AFF3: variants seen among roughly 807,000 people sequenced by gnomAD.
AFF3 encodes the protein ALF transcription elongation factor 3, also known as AF4/FMR2 family member 3.
AFF3 carries 32 observed loss-of-function variants against 129.7 expected under a neutral mutation model. That is an observed-to-expected ratio of 0.25 (90% confidence interval 0.19 to 0.33). The LOEUF (loss-of-function observed/expected upper bound fraction) is 0.33. Ranked by LOEUF, AFF3 falls within the 10% of genes least tolerant of loss-of-function variation. The pLI is 1.00. For synonymous variants in AFF3, 644 were observed against 635.4 expected (o/e 1.01, Z -0.20); for missense variants, 1,373 against 1,592.0 (o/e 0.86, Z 2.34).
At chr2:99,692,743 ATCT>A (rs879603841) in intron 11 of AFF3, among the ~76,000 whole-genome samples, 23,368 of 152,182 alleles carry the variant, frequency 0.15, 2,144 homozygotes, top group South Asian at 0.26. Context: ...GCCCTGGCAG[ATCT>A]TCCTTCACCA....
At chr2:99,876,794 T>C (rs1692333999) in intron 7 of AFF3, among the ~76,000 whole-genome samples, 1 of 152,106 alleles carries the variant, frequency 6.6e-6, no homozygotes, top group South Asian at 2.1e-4. Flanking sequence ...CTTCCCTCAG[T>C]TTCCCTAAAA....
chr2:100,020,950 A>G (rs1683540514), intron 4 of AFF3, among the ~76,000 whole-genome samples: 1 of 152,202 alleles, frequency 6.6e-6, no homozygotes, highest in Non-Finnish European at 1.5e-5. Context: ...TCAGGATAGC[A>G]TCTCAATCTG....
intron 11 of AFF3, among the ~76,000 whole-genome samples, chr2:99,710,100 CCTTT>C (rs1183239678): frequency 6.6e-6 from 1 of 152,162 alleles, no homozygotes; most frequent in Non-Finnish European, 1.5e-5. Context: ...AATGTTGTCT[CCTTT>C]CTGAGTTGCT....
chr2:99,610,910 G>A (rs1309530890), intron 13 of AFF3, among the ~76,000 whole-genome samples: 1 of 152,090 alleles, frequency 6.6e-6, no homozygotes, highest in Non-Finnish European at 1.5e-5. Context: ...TTGTCCTTCT[G>A]GAACTCTGAT....
At chr2:99,970,055 C>T (rs1003884975) in intron 7 of AFF3, among the ~76,000 whole-genome samples, 5 of 152,062 alleles carry the variant, frequency 3.3e-5, no homozygotes, top group Admixed American at 6.5e-5. Flanking sequence ...TAATAGCAGA[C>T]GAATGGTGAT....
chr2:99,957,059 A>C (rs549344482), intron 7 of AFF3, among the ~76,000 whole-genome samples: 1 of 152,334 alleles, frequency 6.6e-6, no homozygotes, highest in African/African-American at 2.4e-5. Context: ...GATAACATAC[A>C]TTCTGTTGCC....
chr2:99,927,360 A>C (rs1333181035), intron 7 of AFF3, among the ~76,000 whole-genome samples: 2 of 152,208 alleles, frequency 1.3e-5, no homozygotes, highest in African/African-American at 4.8e-5. Flanking sequence ...TGATAAAGAA[A>C]ATGTGGCACA....
intron 9 of AFF3, among the ~76,000 whole-genome samples, chr2:99,747,800 C>T (rs906564884): frequency 6.6e-6 from 1 of 151,990 alleles, no homozygotes; most frequent in Admixed American, 6.5e-5. Flanking sequence ...CTAATATATA[C>T]TCTCATGTTG....
At chr2:99,576,584 T>C (rs140385592) in intron 18 of AFF3, among the ~76,000 whole-genome samples, 46 of 152,204 alleles carry the variant, frequency 3.0e-4, no homozygotes, top group East Asian at 2.9e-3. Context: ...TGTTGCTGTT[T>C]CTGACCTAGC....
chr2:99,821,478 G>GA (rs985447898), intron 8 of AFF3, among the ~76,000 whole-genome samples: 6 of 25,992 alleles, frequency 2.3e-4, no homozygotes, highest in African/African-American at 4.0e-4. Context: ...CTAAAAAAAA[G>GA]AAAAAAAGAA....
chr2:100,035,353 G>C (rs372180734), intron 4 of AFF3, among the ~76,000 whole-genome samples: 1 of 152,212 alleles, frequency 6.6e-6, no homozygotes, highest in African/African-American at 2.4e-5. Flanking sequence ...CAAGAATACT[G>C]TTGGTGTGCA....
At position 99,601,441 on chromosome 2, in the gene AFF3, G is replaced by A. The variant is rs747268846; in HGVS notation, c.1365C>T (p.Ser455=). 11 of 1,605,422 alleles carry A rather than the reference G, an allele frequency of 6.9e-6. No individual in the cohort carries two copies. In the South Asian group the frequency reaches 1.0e-4, roughly 15 times the overall value. The part of the protein sequence containing the change: ...SEGSKPPHFS[S]PEAEPASSNK... ...TGAGCCAGGCAGCGCTTACCTCGGG[G>A]CTGGAGAAGTGGGGGGGCTTGCTGC... The change falls in exon 14 of 25, where the codon AGC becomes AGT. Residue 455 remains serine (S), a synonymous_variant. Coordinates refer to ENST00000672756, the MANE Select transcript of AFF3 (RefSeq NM_001386135.1).
intron 7 of AFF3, among the ~76,000 whole-genome samples, chr2:99,842,367 C>T (rs1169380957): frequency 6.6e-6 from 1 of 152,090 alleles, no homozygotes; most frequent in African/African-American, 2.4e-5. Context: ...ATATTTTTCA[C>T]AATAAAGTTA....
At chr2:100,016,708 C>T (rs372668867) in intron 4 of AFF3, among the ~76,000 whole-genome samples, 1,440 of 83,110 alleles carry the variant, frequency 0.017, 33 homozygotes, top group African/African-American at 0.058. Context: ...GCGGTAGTGG[C>T]GGTGATGGTG....
intron 8 of AFF3, among the ~76,000 whole-genome samples, chr2:99,754,940 G>A (rs550488768): frequency 6.6e-6 from 1 of 152,292 alleles, no homozygotes; most frequent in South Asian, 2.1e-4. Context: ...CTCTGGCTGT[G>A]TCTATTATCA....
At chr2:99,732,860 C>A (rs1679944730) in intron 10 of AFF3, among the ~76,000 whole-genome samples, 1 of 151,668 alleles carries the variant, frequency 6.6e-6, no homozygotes, top group African/African-American at 2.4e-5. Context: ...TTGTTATGAT[C>A]AAGGTTTTAA....
rs1490044052 is a variant in AFF3 at position 99,801,369 on chromosome 2, A to G, written c.921+36108T>C. ...TCTTCTCTAACCTTAGTCCAAATGC[A>G]CTACAAAATATTTTCTCATGCTTTC... On this transcript the variant is annotated intron_variant, in intron 8 of 24. Coordinates refer to ENST00000672756, the MANE Select transcript of AFF3 (RefSeq NM_001386135.1). 2.0e-5 allele frequency among the ~76,000 whole-genome samples: 3 copies of G among 152,202 alleles called. No homozygotes were observed. In the East Asian group the frequency reaches 5.8e-4, roughly 29 times the overall value.
intron 7 of AFF3, among the ~76,000 whole-genome samples, chr2:100,003,078 A>G (rs1010032433): frequency 5.6e-5 from 6 of 107,036 alleles, no homozygotes; most frequent in African/African-American, 7.3e-5. Flanking sequence ...CTTAAGCTTC[A>G]GGGTCTCTAA....
At chr2:99,711,665 G>C (rs80233561) in intron 11 of AFF3, among the ~76,000 whole-genome samples, 1 of 152,304 alleles carries the variant, frequency 6.6e-6, no homozygotes, top group African/African-American at 2.4e-5. Context: ...GACGCACAGC[G>C]AATGTATGTG....
Sources: allele counts gnomAD v4.1 joint callset (sites outside exome capture counted in the v4.1 genomes callset), GRCh38; gene constraint gnomAD v4.1.1; transcripts MANE v1.5; gene names NCBI Gene and HGNC (gene_info 2026-07-23, HGNC 2026-07-21).